ST7L: variants seen among roughly 807,000 people sequenced by gnomAD.
ST7L encodes the protein suppressor of tumorigenicity 7 protein-like.
ST7L carries 57 observed loss-of-function variants against 72.5 expected under a neutral mutation model. The ratio of observed to expected loss-of-function variants is 0.79; its 90% CI spans 0.64 to 0.98. ST7L has a LOEUF of 0.98. Ranked by LOEUF, ST7L falls within the 50% of genes least tolerant of loss-of-function variation. The pLI is 0.00. For synonymous variants in ST7L, 221 were observed against 240.9 expected, an observed-to-expected ratio of 0.92 and a Z score of 0.77; for missense variants, 576 against 672.2, an observed-to-expected ratio of 0.86 and a Z score of 1.58.
chr1:112,564,817 C>CA (rs780771291), intron 11 of ST7L, among the ~76,000 whole-genome samples: 1,448 of 42,622 alleles, frequency 0.034, 27 homozygotes, highest in Non-Finnish European at 0.055. Context: ...AACTGCATCT[C>CA]AAAAAAAAAA....
intron 3 of ST7L, among the ~76,000 whole-genome samples, chr1:112,610,160 G>C (rs1372718323): frequency 2.0e-5 from 3 of 152,154 alleles, no homozygotes; most frequent in Non-Finnish European, 4.4e-5. Flanking sequence ...TAACATTTCT[G>C]AGAATAGTCC....
At chr1:112,595,096 T>C (rs1474386925) in intron 5 of ST7L, among the ~76,000 whole-genome samples, 1 of 152,064 alleles carries the variant, frequency 6.6e-6, no homozygotes, top group Non-Finnish European at 1.5e-5. Context: ...CTGGGCGTGG[T>C]CGCTCACGCC....
intron 6 of ST7L, among the ~76,000 whole-genome samples, 196 bp from the exon 7 acceptor site, chr1:112,584,322 C>T (rs1351075249): frequency 6.6e-6 from 1 of 151,174 alleles, no homozygotes; most frequent in Admixed American, 6.6e-5. Context: ...CACAATTCTT[C>T]CACTTTCTTA....
intron 14 of ST7L, chr1:112,527,224 G>C (rs1426198871): frequency 6.6e-6 from 1 of 152,346 alleles, no homozygotes; most frequent in African/African-American, 2.4e-5. Context: ...AAAGTACAAT[G>C]TTCATCAATC....
intron 11 of ST7L, among the ~76,000 whole-genome samples, chr1:112,575,179 C>T (rs973514906): frequency 1.2e-4 from 19 of 152,324 alleles, no homozygotes; most frequent in African/African-American, 4.3e-4. Context: ...GCGGAGGTTG[C>T]AGTGAGCCAA....
intron 1 of ST7L, 153 bp from the exon 2 acceptor site, chr1:112,617,048 T>C: frequency 2.1e-6 from 1 of 484,312 alleles, no homozygotes; most frequent in Non-Finnish European, 3.7e-6. Flanking sequence ...GTATATATAT[T>C]ATACATAATG....
chr1:112,547,719 T>C (rs1185476021), intron 13 of ST7L, among the ~76,000 whole-genome samples: 1 of 150,762 alleles, frequency 6.6e-6, no homozygotes, highest in African/African-American at 2.4e-5. Context: ...TGTGCCACCA[T>C]GCCGGGCTAA....
intron 14 of ST7L, among the ~76,000 whole-genome samples, chr1:112,535,668 A>G (rs1268456693): frequency 6.6e-6 from 1 of 151,718 alleles, no homozygotes; most frequent in African/African-American, 2.4e-5. Flanking sequence ...GGTTGCAGTG[A>G]GCCGAGATGG....
At chr1:112,571,868 TG>T in intron 11 of ST7L, among the ~76,000 whole-genome samples, 1 of 152,232 alleles carries the variant, frequency 6.6e-6, no homozygotes, top group Non-Finnish European at 1.5e-5. Context: ...ACAAATTTTT[TG>T]GTTTCCCATG....
At chr1:112,541,460 T>C (rs988870258) in intron 14 of ST7L, among the ~76,000 whole-genome samples, 1 of 152,068 alleles carries the variant, frequency 6.6e-6, no homozygotes, top group Admixed American at 6.6e-5. Flanking sequence ...ACACAATAAC[T>C]TGGAGAACCT....
intron 4 of ST7L, among the ~76,000 whole-genome samples, chr1:112,598,376 GA>G (rs981233558): frequency 6.6e-6 from 1 of 151,552 alleles, no homozygotes; most frequent in African/African-American, 2.4e-5. Flanking sequence ...TGAGGCTGGT[GA>G]ATGACTTGAG....
At chr1:112,613,710 G>A (rs1669420080) in intron 2 of ST7L, among the ~76,000 whole-genome samples, 1 of 151,966 alleles carries the variant, frequency 6.6e-6, no homozygotes, top group Non-Finnish European at 1.5e-5. Flanking sequence ...AGTAACAAAA[G>A]GTTTTTTTGG....
At chr1:112,602,830 C>T (rs1350836556) in intron 3 of ST7L, among the ~76,000 whole-genome samples, 1 of 151,654 alleles carries the variant, frequency 6.6e-6, no homozygotes, top group African/African-American at 2.4e-5. Context: ...ATTCTCCTGC[C>T]TCAGCCTCCC....
chr1:112,549,214 G>A (rs1185573423), intron 13 of ST7L, among the ~76,000 whole-genome samples: 4 of 152,096 alleles, frequency 2.6e-5, no homozygotes, highest in East Asian at 3.9e-4. Context: ...GCAACATGGC[G>A]AAACCCTGTT....
chr1:112,599,095 T>A lies in ST7L; in HGVS notation c.507-1009A>T, dbSNP rs1373151089. Among the ~76,000 whole-genome samples the A allele has an allele frequency of 2.1e-3, 169 of 79,244 alleles. 11 individuals carry two copies. The highest frequency in any genetic ancestry group is 7.3e-3 in the South Asian group (21 of 2,864). The allele number at this position is 79,244 out of a possible 152,430, so 52.0% of individuals were successfully genotyped here. A position where few individuals can be genotyped will look rare whatever the true frequency, so the allele number is the denominator to read the frequency against. On this transcript the variant is annotated intron_variant, in intron 4 of 14. Transcript: ENST00000358039. ...AAAAATATATATATATATATATATA[T>A]ATATATATATATATATGTGGATGTG...
Position 112,618,997 on chromosome 1 carries a change from C to A in ST7L, c.117G>T (p.Gly39=), listed in dbSNP as rs1172064149. Residue 39 remains glycine (G), a synonymous_variant, in exon 1 of 15, where the codon GGG becomes GGT. Transcript: ENST00000358039. ...WRERLRAGLA[G]TGASLWFVAG... ...CCACGAACCACAACGAGGCCCCAGT[C>A]CCCGCCAGCCCGGCCCGCAGTCGCT... The A allele has an allele frequency of 6.2e-7, 1 of 1,612,390 alleles. No homozygotes were observed. The highest frequency in any genetic ancestry group is 2.2e-5 in the East Asian group (1 of 44,796).
intron 3 of ST7L, among the ~76,000 whole-genome samples, chr1:112,606,496 T>C (rs1668263911): frequency 6.6e-6 from 1 of 152,190 alleles, no homozygotes; most frequent in Admixed American, 6.5e-5. Context: ...ACTTGAGACC[T>C]CACCAAACTG....
chr1:112,550,480 A>T, intron 13 of ST7L, 121 bp downstream of exon 13: 1 of 654,508 alleles, frequency 1.5e-6, no homozygotes, highest in Non-Finnish European at 2.6e-6. Flanking sequence ...AGAAGTGGCT[A>T]AAATAGTATT....
intron 14 of ST7L, among the ~76,000 whole-genome samples, chr1:112,534,639 T>C (rs920516994): frequency 3.3e-5 from 5 of 152,152 alleles, no homozygotes; most frequent in African/African-American, 1.2e-4. Flanking sequence ...AATATTATAA[T>C]TTTCTTCTGT....
Sources: gnomAD v4.1 joint callset for allele counts (sites outside exome capture counted in the v4.1 genomes callset) on GRCh38, gnomAD v4.1.1 for gene constraint, MANE v1.5 for transcripts, NCBI Gene and HGNC (gene_info 2026-07-23, HGNC 2026-07-21) for gene names.